The following POLR1F variants were observed in gnomAD, a reference collection of about 807,000 sequenced individuals.
POLR1F encodes the protein RNA polymerase I subunit F.
In POLR1F, 23 loss-of-function variants were observed where a neutral mutation model predicts 21.8. The ratio of observed to expected loss-of-function variants is 1.05; its 90% CI spans 0.76 to 1.49. The LOEUF (loss-of-function observed/expected upper bound fraction) is 1.49. Among genes scored for constraint, POLR1F ranks in the 40% most tolerant of loss-of-function variants. POLR1F has a pLI of 0.00. For synonymous variants in POLR1F, 162 were observed against 152.8 expected (o/e 1.06, Z -0.45); for missense variants, 435 against 412.1 (o/e 1.06, Z -0.48).
chr7:19,700,359 T>A, intron 2 of POLR1F, 79 bp from the exon 3 acceptor site: 1 of 1,050,620 alleles, frequency 9.5e-7, no homozygotes, highest in African/African-American at 1.6e-5. Context: ...CTTTACAAGC[T>A]TCAAATAATC....
chr7:19,698,253 A>G lies in POLR1F; in HGVS notation c.*63T>C. The G allele has an allele frequency of 7.1e-7, 1 of 1,401,422 alleles. No individual in the cohort carries two copies. The highest frequency in any genetic ancestry group is 9.4e-7 in the Non-Finnish European group (1 of 1,065,470). 86.8% of individuals were successfully genotyped at this position (1,401,422 alleles called of 1,614,324 possible). ...TACTTAACCTTTTCATATCACTGAA[A>G]ACATTTATTCATCTATTGTATGTAG... is the stretch of plus-strand genomic sequence containing the variant. On this transcript the variant is annotated 3_prime_UTR_variant, in exon 4 of 4. Transcript: ENST00000222567.
At chr7:19,701,596 G>A (rs534846953) in intron 2 of POLR1F, among the ~76,000 whole-genome samples, 4 of 152,300 alleles carry the variant, frequency 2.6e-5, no homozygotes, top group East Asian at 3.9e-4. Flanking sequence ...TGAACAGGCC[G>A]AAGACAGCCG....
rs1279910971 is a variant in POLR1F at position 19,697,528 on chromosome 7, A to G, written c.*788T>C. 1 of 152,188 alleles carries G rather than the reference A, an allele frequency of 6.6e-6. No homozygotes were observed. Among genetic ancestry groups the G allele is most frequent in the African/African-American group, 2.4e-5 (1 of 41,450 alleles). The allele number at this position is 152,188 out of a possible 1,614,324, so 9.4% of individuals were successfully genotyped here. ...GCACAATATCTTATAGCCCATTCCA[A>G]TCATTAAAAAGTAATCTGAAATTTC... On this transcript the variant is annotated 3_prime_UTR_variant, in exon 4 of 4. Coordinates refer to ENST00000222567, the MANE Select transcript of POLR1F (RefSeq NM_001002926.2).
intron 3 of POLR1F, 86 bp from the exon 4 acceptor site, chr7:19,698,813 G>T: frequency 1.7e-6 from 2 of 1,160,590 alleles, no homozygotes; most frequent in South Asian, 1.8e-5. Context: ...AACAGGCTAA[G>T]ATTTTCTAAA....
chr7:19,699,150 A>G (rs542491034), intron 3 of POLR1F, among the ~76,000 whole-genome samples: 70 of 152,322 alleles, frequency 4.6e-4, no homozygotes, highest in South Asian at 1.9e-3. Context: ...TCTGGTATTT[A>G]TCAAAGCAAT....
rs927245111 is a variant in POLR1F at position 19,695,592 on chromosome 7, G to T, written c.*2724C>A. 2.6e-5 allele frequency: 4 copies of T among 152,006 alleles called. No individual in the cohort carries two copies. The highest frequency in any genetic ancestry group is 9.7e-5 in the African/African-American group (4 of 41,382). 9.4% of individuals were successfully genotyped at this position (152,006 alleles called of 1,614,324 possible). On this transcript the variant is annotated 3_prime_UTR_variant, in exon 4 of 4. Coordinates refer to ENST00000222567, the MANE Select transcript of POLR1F (RefSeq NM_001002926.2). ...ATTCCAGCCCTCAGGAAACTTATTTGGTCAAGACAAATTTGATTAAGAGAC... is the reference window on the plus strand; with the variant it reads ...ATTCCAGCCCTCAGGAAACTTATTTTGTCAAGACAAATTTGATTAAGAGAC...
chr7:19,708,961 A>G lies in POLR1F; in HGVS notation c.56T>C (p.Leu19Pro). Residue 19 changes from leucine to proline, a missense_variant, in exon 1 of 4, where the codon CTG (leucine) becomes CCG (proline). Physicochemically the swap from Leu to Pro is moderately conservative, Grantham distance 98. Transcript: ENST00000222567. ...PRPAAASDGS[L>P]VGQAGVLPCL... Reference sequence around the variant, plus strand: ...AGGCAGGACGCCAGCCTGCCCTACCAGAGACCCATCAGAAGCCGCCGCTGG... The same window carrying G: ...AGGCAGGACGCCAGCCTGCCCTACCGGAGACCCATCAGAAGCCGCCGCTGG... The G allele has an allele frequency of 3.1e-6, 5 of 1,607,510 alleles. No individual in the cohort carries two copies. The highest frequency in any genetic ancestry group is 4.3e-6 in the Non-Finnish European group (5 of 1,175,994).
rs759216769 is a variant in POLR1F at position 19,698,409 on chromosome 7, C to T, written c.924G>A (p.Lys308=). Residue 308 remains lysine, a synonymous_variant, in exon 4 of 4, where the codon AAG becomes AAA. Coordinates refer to ENST00000222567, the MANE Select transcript of POLR1F (RefSeq NM_001002926.2). The stretch of plus-strand genomic sequence containing the variant: ...CACTGTGTTTTCTTTTCTTTTTTTT[C>T]TTTTTATGGTCACTTTGGTAACCAC... ...DSSGYQSDHK[K]KKKKRKHSEE... is the part of the protein sequence containing the mutation. 16 of 1,601,708 alleles carry T rather than the reference C, an allele frequency of 1.0e-5. No individual in the cohort carries two copies. Among genetic ancestry groups the T allele is most frequent in the Admixed American group, 1.7e-5 (1 of 57,652 alleles).
chr7:19,708,496 G>C (rs1783567847), intron 1 of POLR1F, among the ~76,000 whole-genome samples: 1 of 152,148 alleles, frequency 6.6e-6, no homozygotes, highest in South Asian at 2.1e-4. Context: ...CTACACCAGG[G>C]TTCTGGAGCA....
chr7:19,706,765 A>G (rs1002091341), intron 1 of POLR1F, among the ~76,000 whole-genome samples: 3 of 152,218 alleles, frequency 2.0e-5, no homozygotes, highest in African/African-American at 7.2e-5. Context: ...GAACACAGGC[A>G]CCCAACACTA....
Position 19,700,248 on chromosome 7 carries a change from A to C in POLR1F, c.429T>G (p.Ile143Met), listed in dbSNP as rs1293351853. The change falls in exon 3 of 4, where the codon ATT (isoleucine) becomes ATG (methionine). Residue 143 changes from isoleucine to methionine, a missense_variant. Ile to Met is a conservative substitution (Grantham distance 10). Coordinates refer to ENST00000222567, the MANE Select transcript of POLR1F (RefSeq NM_001002926.2). ...GIVNKVSSSH[I>M]GCLVHGCFNA... ...TGAAACACCCATGTACTAAACAGCC[A>C]ATGTGGCTAGAAGACACTTTATTAA... is the stretch of plus-strand genomic sequence containing the variant. 1 of 1,613,840 alleles carries C rather than the reference A, an allele frequency of 6.2e-7. No homozygotes were observed. Among genetic ancestry groups the C allele is most frequent in the Admixed American group, 1.7e-5 (1 of 59,994 alleles).
intron 2 of POLR1F, among the ~76,000 whole-genome samples, chr7:19,702,090 T>C (rs747322474): frequency 1.7e-4 from 26 of 152,118 alleles, no homozygotes; most frequent in Non-Finnish European, 3.2e-4. Flanking sequence ...TTGTGGAAAC[T>C]CATAGAATGT....
intron 1 of POLR1F, among the ~76,000 whole-genome samples, chr7:19,708,059 C>T (rs534537656): frequency 6.6e-6 from 1 of 152,110 alleles, no homozygotes; most frequent in Non-Finnish European, 1.5e-5. Context: ...CCGCCCCACA[C>T]CTCTGTAATT....
In POLR1F at chr7:19,708,248, G is replaced by A. The variant is rs189794515; in HGVS notation, c.254+515C>T. Among the ~76,000 whole-genome samples, 5 of 152,240 alleles carry A rather than the reference G, an allele frequency of 3.3e-5. 1 individual carries two copies. Among genetic ancestry groups the A allele is most frequent in the African/African-American group, 1.2e-4 (5 of 41,536 alleles). ...GATCAGGTCCAAGAGAAGAGAAAAT[G>A]GGGAAATTACCAGAGCGAAATCCAA... On this transcript the variant is annotated intron_variant, in intron 1 of 3. Transcript: ENST00000222567.
chr7:19,699,643 A>T (rs2128006116), intron 3 of POLR1F, among the ~76,000 whole-genome samples: 1 of 152,300 alleles, frequency 6.6e-6, no homozygotes, highest in Admixed American at 6.5e-5. Context: ...TAATTTCTAT[A>T]CAGAATAATA....
At chr7:19,701,919 C>T (rs958611906) in intron 2 of POLR1F, among the ~76,000 whole-genome samples, 2 of 152,066 alleles carry the variant, frequency 1.3e-5, no homozygotes, top group African/African-American at 2.4e-5. Context: ...AAACCTCTCT[C>T]GGTGTGTAGG....
chr7:19,703,999 A>G (rs1783483375), intron 2 of POLR1F, among the ~76,000 whole-genome samples: 1 of 152,204 alleles, frequency 6.6e-6, no homozygotes, highest in Non-Finnish European at 1.5e-5. Context: ...CAGTTATAAG[A>G]TCCCAGTTTA....
At chr7:19,706,460 G>A (rs1783525861) in intron 1 of POLR1F, among the ~76,000 whole-genome samples, 1 of 152,222 alleles carries the variant, frequency 6.6e-6, no homozygotes, top group African/African-American at 2.4e-5. Flanking sequence ...CCTGGTGGAA[G>A]GGGGGACATG....
In POLR1F at chr7:19,708,776, G is replaced by A. The variant is rs977553918; in HGVS notation, c.241C>T (p.Arg81Cys). 1.2e-6 allele frequency: 2 copies of A among 1,611,912 alleles called. No homozygotes were observed. The highest frequency in any genetic ancestry group is 1.3e-5 in the African/African-American group (1 of 74,898). ...AGAGATCGGTACCTCTCAGAATAGC[G>A]AAGGAGCTCCGCATCAAGCTGTTCT... ...IREQLDAELL[R>C]YSESLLGVPI... The change falls in exon 1 of 4, where the codon CGC becomes TGC. Residue 81 changes from arginine to cysteine, a missense_variant. Transcript: ENST00000222567.
Sources: gnomAD v4.1 joint callset for allele counts (sites outside exome capture counted in the v4.1 genomes callset) on GRCh38, gnomAD v4.1.1 for gene constraint, MANE v1.5 for transcripts, NCBI Gene and HGNC (gene_info 2026-07-23, HGNC 2026-07-21) for gene names.